CHD6: variants seen among roughly 807,000 people sequenced by gnomAD.
The protein encoded by CHD6 is chromodomain helicase DNA binding protein 6, also known as ATP-dependent chromatin remodeler CHD6.
A neutral mutation model predicts 276.9 loss-of-function variants in CHD6; 50 were observed. That is an observed-to-expected ratio of 0.18 (90% CI 0.14 to 0.23). The LOEUF (loss-of-function observed/expected upper bound fraction) is 0.23. Among genes scored for constraint, CHD6 ranks in the 10% least tolerant of loss-of-function variants. CHD6 has a pLI of 1.00. For missense variants in CHD6, 2,564 were observed against 3,365.8 expected, an observed-to-expected ratio of 0.76 and a Z score of 5.89; for synonymous variants, 1,173 against 1,229.3, an observed-to-expected ratio of 0.95 and a Z score of 0.96.
chr20:41,591,985 G>A (rs1164583411), intron 1 of CHD6, among the ~76,000 whole-genome samples: 1 of 152,106 alleles, frequency 6.6e-6, no homozygotes, highest in African/African-American at 2.4e-5. Flanking sequence ...TGTAGTCCCA[G>A]CTACTCAGGA....
At chr20:41,515,248 AG>A in intron 3 of CHD6, among the ~76,000 whole-genome samples, 1 of 152,348 alleles carries the variant, frequency 6.6e-6, no homozygotes, top group African/African-American at 2.4e-5. Flanking sequence ...TGTCTTCTCT[AG>A]GAAGTTCAAC....
At chr20:41,601,868 C>T (rs571620782) in intron 1 of CHD6, among the ~76,000 whole-genome samples, 1 of 152,304 alleles carries the variant, frequency 6.6e-6, no homozygotes, top group African/African-American at 2.4e-5. Flanking sequence ...GGACAGGGAT[C>T]CCTCAGTTTT....
At chr20:41,486,516 A>G (rs898656901) in intron 14 of CHD6, among the ~76,000 whole-genome samples, 2 of 152,210 alleles carry the variant, frequency 1.3e-5, no homozygotes, top group Non-Finnish European at 2.9e-5. Context: ...GACTTGCATC[A>G]GAAGTAGGAA....
At chr20:41,546,158 A>AAAT (rs11473261) in intron 2 of CHD6, among the ~76,000 whole-genome samples, 60,390 of 151,792 alleles carry the variant, frequency 0.4, 14,507 homozygotes, top group African/African-American at 0.66. Flanking sequence ...AAAACTCAAC[A>AAAT]AATTGTTCAG....
intron 27 of CHD6, among the ~76,000 whole-genome samples, chr20:41,428,963 G>T (rs2047449072): frequency 6.6e-6 from 1 of 152,148 alleles, no homozygotes; most frequent in African/African-American, 2.4e-5. Context: ...CAAGAAGAAG[G>T]TGCTTGTTCA....
chr20:41,490,050 C>A (rs373365755), intron 11 of CHD6, 29 bp from the exon 12 acceptor site: 2 of 1,599,982 alleles, frequency 1.3e-6, no homozygotes, highest in Non-Finnish European at 1.7e-6. Context: ...ATAGGTAATT[C>A]ATTATCAATA....
intron 35 of CHD6, among the ~76,000 whole-genome samples, chr20:41,413,081 T>C (rs1285629338): frequency 6.6e-6 from 1 of 152,366 alleles, no homozygotes; most frequent in East Asian, 1.9e-4. Context: ...TCTGTCCTCT[T>C]AGGATTTTGC....
intron 8 of CHD6, among the ~76,000 whole-genome samples, chr20:41,494,184 T>G (rs1053348523): frequency 6.6e-6 from 1 of 152,250 alleles, no homozygotes; most frequent in African/African-American, 2.4e-5. Context: ...AATAATTCCC[T>G]GTTGGTCATT....
intron 34 of CHD6, 184 bp downstream of exon 34, chr20:41,415,002 A>C (rs1190405418): frequency 2.1e-6 from 3 of 1,431,292 alleles, no homozygotes; most frequent in Non-Finnish European, 2.7e-6. Flanking sequence ...ATTAAGCGCC[A>C]TTAATGAGTT....
At chr20:41,551,229 C>G in intron 2 of CHD6, 76 bp downstream of exon 2, 1 of 937,976 alleles carries the variant, frequency 1.1e-6, no homozygotes, top group South Asian at 1.3e-5. Context: ...TAAGCCAACA[C>G]TGCCAGTGTC....
At position 41,422,041 on chromosome 20, in the gene CHD6, C is replaced by T. The variant is rs755095660; in HGVS notation, c.4594G>A (p.Glu1532Lys). 1.3e-5 allele frequency: 21 copies of T among 1,613,746 alleles called. No homozygotes were observed. The highest frequency in any genetic ancestry group is 1.8e-5 in the Non-Finnish European group (21 of 1,179,900). The stretch of plus-strand genomic sequence containing the variant: ...TACAGAGTTCTTGCAGCACGTTCCT[C>T]AGTGATGGGTTCAACGTAGATGGTG... ...DTTIYVEPIT[E>K]ERAARTLYRI... is the part of the protein sequence containing the mutation. Residue 1532 changes from glutamate (E) to lysine (K), a missense_variant, in exon 31 of 37, where the codon GAG (glutamate) becomes AAG (lysine). By Grantham distance (56) the Glu-to-Lys change is moderately conservative (BLOSUM62 1). Coordinates refer to ENST00000373233, the MANE Select transcript of CHD6 (RefSeq NM_032221.5).
chr20:41,582,536 T>C (rs545476067), intron 1 of CHD6, among the ~76,000 whole-genome samples: 1 of 152,308 alleles, frequency 6.6e-6, no homozygotes, highest in East Asian at 1.9e-4. Context: ...AAATATTTAA[T>C]GTCCATCTCA....
chr20:41,574,354 T>C (rs1438566639), intron 1 of CHD6, among the ~76,000 whole-genome samples: 1 of 152,186 alleles, frequency 6.6e-6, no homozygotes, highest in Non-Finnish European at 1.5e-5. Flanking sequence ...GATAATGAAA[T>C]CATCCCCTAG....
chr20:41,613,682 C>A lies in CHD6; in HGVS notation c.-24+4658G>T, dbSNP rs574681283. On this transcript the variant is annotated intron_variant, in intron 1 of 36. Transcript: ENST00000373233. ...GGCAGAAGATTTTGTTCATGCAAAGCAGTTGTTCTAGAATGACCTAAATTA... is the reference window on the plus strand; with the variant it reads ...GGCAGAAGATTTTGTTCATGCAAAGAAGTTGTTCTAGAATGACCTAAATTA... Among the ~76,000 whole-genome samples, 7 of 152,260 alleles carry A rather than the reference C, an allele frequency of 4.6e-5. No homozygotes were observed. The South Asian group carries it at 1.5e-3, about 32-fold the overall frequency.
intron 17 of CHD6, among the ~76,000 whole-genome samples, chr20:41,463,442 G>A (rs2077800214): frequency 6.6e-6 from 1 of 152,160 alleles, no homozygotes; most frequent in Non-Finnish European, 1.5e-5. Context: ...TTTATAAGTG[G>A]AGAAATCGGA....
At chr20:41,431,022 A>G (rs1472374262) in intron 27 of CHD6, among the ~76,000 whole-genome samples, 1 of 151,942 alleles carries the variant, frequency 6.6e-6, no homozygotes, top group Non-Finnish European at 1.5e-5. Context: ...TTTAGTAGAG[A>G]CAGGGTTTCA....
intron 1 of CHD6, among the ~76,000 whole-genome samples, chr20:41,598,383 A>G (rs948580750): frequency 2.0e-5 from 3 of 152,110 alleles, no homozygotes; most frequent in Non-Finnish European, 4.4e-5. Flanking sequence ...CACCCTAGCT[A>G]TTGAAACAGG....
At chr20:41,480,382 G>A (rs1374829027) in intron 16 of CHD6, among the ~76,000 whole-genome samples, 1 of 152,086 alleles carries the variant, frequency 6.6e-6, no homozygotes, top group Non-Finnish European at 1.5e-5. Flanking sequence ...ATTATAATAG[G>A]TGTATAGAAA....
chr20:41,578,939 G>A (rs917924464), intron 1 of CHD6, among the ~76,000 whole-genome samples: 2 of 151,358 alleles, frequency 1.3e-5, no homozygotes, highest in Admixed American at 6.6e-5. Context: ...AGACCAGCCT[G>A]GCTAACATGG....
Sources: gnomAD v4.1 joint callset for allele counts (sites outside exome capture counted in the v4.1 genomes callset) on GRCh38, gnomAD v4.1.1 for gene constraint, MANE v1.5 for transcripts, NCBI Gene and HGNC (gene_info 2026-07-23, HGNC 2026-07-21) for gene names.